Variants in DST observed in about 807,000 individuals in gnomAD.
DST encodes the protein dystonin.
DST carries 253 observed loss-of-function variants against 875.2 expected under a neutral mutation model. The ratio of observed to expected loss-of-function variants is 0.29; its 90% CI spans 0.26 to 0.32. The LOEUF is 0.32. Among genes scored for constraint, DST ranks in the 10% least tolerant of loss-of-function variants. The probability of loss-of-function intolerance (pLI) is 1.00; values close to 1 mark genes in which losing one functional copy is unlikely to be tolerated. For synonymous variants in DST, 3,124 were observed against 3,197.1 expected (o/e 0.98, Z 0.77); for missense variants, 8,287 against 9,111.6 (o/e 0.91, Z 3.68).
rs1586728110 is a variant in DST at position 56,616,270 on chromosome 6, T to C, written c.4930-1786A>G. On this transcript the variant is annotated intron_variant, in intron 36 of 103. Coordinates refer to ENST00000680361, the MANE Select transcript of DST (RefSeq NM_001374736.1). The stretch of plus-strand genomic sequence containing the variant: ...CTATAGCCTCATTAATATTGAAGTG[T>C]AATCCTGTTTTAGTATCAGTCAGCA... 1.2e-6 allele frequency: 2 copies of C among 1,614,024 alleles called. No homozygotes were observed. Among genetic ancestry groups the C allele is most frequent in the Non-Finnish European group, 1.7e-6 (2 of 1,180,046 alleles).
At chr6:56,753,139 G>A (rs577514374) in intron 4 of DST, among the ~76,000 whole-genome samples, 4 of 152,238 alleles carry the variant, frequency 2.6e-5, no homozygotes, top group South Asian at 4.1e-4. Context: ...GTGGTTTTAC[G>A]TAGGAGGCAG....
In DST at chr6:56,834,548, G is replaced by T. The variant is rs59430173; in HGVS notation, c.625+16849C>A. 1.7e-3 allele frequency among the ~76,000 whole-genome samples: 255 copies of T among 152,146 alleles called. 2 individuals carry two copies. The highest frequency in any genetic ancestry group is 5.6e-3 in the African/African-American group (234 of 41,476). ...GGAGGCAGAGGTTGCAGTGAGCCAA[G>T]ATCGTGCCTCTGCACTCCAGCCTGA... On this transcript the variant is annotated intron_variant, in intron 4 of 103. Coordinates refer to ENST00000680361, the MANE Select transcript of DST (RefSeq NM_001374736.1).
chr6:56,488,134 T>C (rs2095623145), intron 86 of DST, among the ~76,000 whole-genome samples: 1 of 152,210 alleles, frequency 6.6e-6, no homozygotes, highest in Admixed American at 6.5e-5. Context: ...CAGTTATCCA[T>C]AAATTTTTTT....
chr6:56,739,396 T>G (rs954550780), intron 4 of DST, among the ~76,000 whole-genome samples: 4 of 152,122 alleles, frequency 2.6e-5, no homozygotes, highest in Admixed American at 6.6e-5. Context: ...CTAGTTCTCT[T>G]CACTGATAAG....
intron 55 of DST, among the ~76,000 whole-genome samples, chr6:56,564,249 C>T (rs1281158401): frequency 6.6e-6 from 1 of 152,166 alleles, no homozygotes; most frequent in East Asian, 1.9e-4. Context: ...TCTCTTATTT[C>T]CTTGAGCAGT....
intron 2 of DST, among the ~76,000 whole-genome samples, chr6:56,931,597 G>A (rs1395730545): frequency 1.3e-5 from 2 of 152,216 alleles, no homozygotes; most frequent in Admixed American, 1.3e-4. Context: ...AAGCAGCCAG[G>A]AGGGAGGCTG....
At chr6:56,595,897 G>A (rs1166993519) in intron 47 of DST, among the ~76,000 whole-genome samples, 1 of 151,920 alleles carries the variant, frequency 6.6e-6, no homozygotes, top group African/African-American at 2.4e-5. Context: ...TTAGGCTGAA[G>A]GAAGAGAATG....
At chr6:56,852,461 C>CT (rs1765750196) in intron 3 of DST, among the ~76,000 whole-genome samples, 2 of 152,198 alleles carry the variant, frequency 1.3e-5, no homozygotes, top group African/African-American at 4.8e-5. Context: ...TGCCAAAGCA[C>CT]TTTGCCTGAA....
intron 13 of DST, among the ~76,000 whole-genome samples, chr6:56,647,760 A>T (rs1425856098): frequency 1.4e-5 from 2 of 147,556 alleles, no homozygotes; most frequent in African/African-American, 5.0e-5. Flanking sequence ...ATCTCGGCTT[A>T]CTGCAACCTC....
chr6:56,635,783 C>T, intron 23 of DST, 69 bp from the exon 24 acceptor site: 1 of 1,547,136 alleles, frequency 6.5e-7, no homozygotes, highest in South Asian at 1.1e-5. Context: ...TGTCACACTC[C>T]AATACCAAGG....
chr6:56,609,099 C>A lies in DST; in HGVS notation c.5529G>T (p.Glu1843Asp), dbSNP rs753295452. Reference protein sequence around the residue: ...CQLKELSKAKEIISAASPTTI... With the variant: ...CQLKELSKAKDIISAASPTTI... ...TGGTAGGTGACGCAGCAGAAATAATCTCCTTAGCTTTACTTAGTTCTTTGA... is the reference window on the plus strand; with the variant it reads ...TGGTAGGTGACGCAGCAGAAATAATATCCTTAGCTTTACTTAGTTCTTTGA... Residue 1843 changes from glutamate to aspartate, a missense_variant, in exon 40 of 104, where the codon GAG becomes GAT. By Grantham distance (45) the Glu-to-Asp change is conservative. Transcript: ENST00000680361. 6.2e-7 allele frequency: 1 copy of A among 1,613,826 alleles called. No homozygotes were observed.
In DST at chr6:56,792,214, AAGG is replaced by A. The variant is rs2099726769; in HGVS notation, c.626-56928_626-56926del. ...ACAACAATGACATTAAAGAAGAGAAAAGGAGGAGATGAGGGAAAGCTCTTCTTT... is the reference window on the plus strand; with the variant it reads ...ACAACAATGACATTAAAGAAGAGAAAAGGAGATGAGGGAAAGCTCTTCTTT... On this transcript the variant is annotated intron_variant, in intron 4 of 103. Coordinates refer to ENST00000680361, the MANE Select transcript of DST (RefSeq NM_001374736.1). 2.6e-5 allele frequency among the ~76,000 whole-genome samples: 4 copies of A among 152,194 alleles called. No individual in the cohort carries two copies. In the South Asian group the frequency reaches 8.3e-4, roughly 32 times the overall value.
intron 4 of DST, among the ~76,000 whole-genome samples, chr6:56,824,535 G>A (rs919276104): frequency 2.0e-5 from 3 of 151,684 alleles, no homozygotes; most frequent in Admixed American, 1.3e-4. Context: ...GTCTCTGCCC[G>A]GCCACCATCC....
intron 9 of DST, among the ~76,000 whole-genome samples, chr6:56,676,494 T>C (rs2099130883): frequency 1.3e-5 from 2 of 152,118 alleles, no homozygotes; most frequent in Non-Finnish European, 2.9e-5. Context: ...AGAACTACCA[T>C]ATAATCCAGC....
At chr6:56,918,192 T>G (rs549096765) in intron 2 of DST, among the ~76,000 whole-genome samples, 30 of 151,928 alleles carry the variant, frequency 2.0e-4, no homozygotes, top group Admixed American at 2.0e-3. Flanking sequence ...GGTGGCATGA[T>G]CTTGGCTCAC....
At chr6:56,610,649 T>C (rs2098536770) in intron 38 of DST, 87 bp from the exon 39 acceptor site, 12 of 1,160,026 alleles carry the variant, frequency 1.0e-5, no homozygotes, top group South Asian at 6.3e-5. Context: ...TGTCATATGA[T>C]GGTAAAATAA....
chr6:56,799,459 A>AG (rs1415119336), intron 4 of DST, among the ~76,000 whole-genome samples: 1 of 152,056 alleles, frequency 6.6e-6, no homozygotes, highest in Non-Finnish European at 1.5e-5. Flanking sequence ...AAATTGCCAC[A>AG]GCTACTCAAA....
At chr6:56,915,765 G>C (rs1329115237) in intron 2 of DST, among the ~76,000 whole-genome samples, 3 of 152,176 alleles carry the variant, frequency 2.0e-5, no homozygotes, top group African/African-American at 7.2e-5. Context: ...AGACACAAGA[G>C]AGGACAAGAA....
chr6:56,812,203 A>G (rs550016292), intron 4 of DST, among the ~76,000 whole-genome samples: 1 of 152,156 alleles, frequency 6.6e-6, no homozygotes, highest in African/African-American at 2.4e-5. Context: ...AATTCTTCAC[A>G]GTTCTGTAAC....
Sources: gnomAD v4.1 joint callset for allele counts (sites outside exome capture counted in the v4.1 genomes callset) on GRCh38, gnomAD v4.1.1 for gene constraint, MANE v1.5 for transcripts, NCBI Gene and HGNC (gene_info 2026-07-23, HGNC 2026-07-21) for gene names.